Variants in RGS3 observed in about 807,000 individuals in gnomAD.
The protein encoded by RGS3 is regulator of G-protein signalling 3.
Under a neutral mutation model 132.6 loss-of-function variants are expected in RGS3, and 80 were observed. That is an observed-to-expected ratio of 0.60 (90% CI 0.50 to 0.73). The LOEUF is 0.73. RGS3 is among the 30% of genes least tolerant of loss of function. The probability of loss-of-function intolerance (pLI) is 0.00; values close to 1 mark genes in which losing one functional copy is unlikely to be tolerated. For synonymous variants in RGS3, 598 were observed against 620.6 expected (o/e 0.96, Z 0.54); for missense variants, 1,382 against 1,530.8 (o/e 0.90, Z 1.62).
chr9:113,475,835 A>C (rs1306690886), intron 3 of RGS3, among the ~76,000 whole-genome samples: 2 of 152,126 alleles, frequency 1.3e-5, no homozygotes, highest in African/African-American at 4.8e-5. Flanking sequence ...CGGTGAGCTG[A>C]AGACTCCAGG....
intron 3 of RGS3, among the ~76,000 whole-genome samples, chr9:113,475,141 GC>G (rs748275068): frequency 1.3e-5 from 2 of 152,186 alleles, no homozygotes; most frequent in Non-Finnish European, 2.9e-5. Flanking sequence ...GCCATATGGG[GC>G]CCTGTCTATT....
At position 113,536,926 on chromosome 9, in the gene RGS3, C is replaced by T. The variant is rs372010623; in HGVS notation, c.2037+8C>T. ...TCACCCCCGGACAGCAAGGTAAGGG[C>T]CTTGACAGTGGCTGTGGCCTGGCTG... is the stretch of plus-strand genomic sequence containing the variant. On this transcript the variant is annotated splice_region_variant and intron_variant, in intron 19 of 24. Coordinates refer to ENST00000350696, the Ensembl canonical transcript of RGS3. 6.4e-5 allele frequency: 103 copies of T among 1,613,194 alleles called. 2 individuals are homozygous for T. In the African/African-American group the frequency reaches 1.1e-3, roughly 18 times the overall value.
At chr9:113,594,353 C>A in intron 21 of RGS3, 77 bp from the exon 20 acceptor site, 1 of 1,596,470 alleles carries the variant, frequency 6.3e-7, no homozygotes, top group South Asian at 1.1e-5. Context: ...GTGCCCTCGA[C>A]CCAGCTCTCC....
intron 20 of RGS3, among the ~76,000 whole-genome samples, chr9:113,585,433 CCTT>C (rs1174196925): frequency 3.3e-5 from 5 of 152,214 alleles, no homozygotes; most frequent in Admixed American, 6.5e-5. Flanking sequence ...GGGCCCCACT[CCTT>C]CTCTTGAAAT....
At chr9:113,534,593 A>G (rs1832604072) in intron 18 of RGS3, among the ~76,000 whole-genome samples, 2 of 150,968 alleles carry the variant, frequency 1.3e-5, no homozygotes, top group Admixed American at 1.3e-4. Context: ...AAATCTGTAC[A>G]TATGTAGTAC....
At chr9:113,581,875 G>A in intron 19 of RGS3, 1 of 230,706 alleles carries the variant, frequency 4.3e-6, no homozygotes, top group Non-Finnish European at 7.2e-6. Context: ...GCAGGCACCT[G>A]TCTTTGGCCT....
intron 19 of RGS3, among the ~76,000 whole-genome samples, chr9:113,572,464 G>C (rs1834332969): frequency 6.6e-6 from 1 of 152,088 alleles, no homozygotes; most frequent in African/African-American, 2.4e-5. Context: ...TTGTGGCTTA[G>C]TCTCATGTCC....
chr9:113,541,203 G>A (rs1380030622), intron 19 of RGS3: 2 of 1,049,176 alleles, frequency 1.9e-6, no homozygotes, highest in East Asian at 2.5e-5. Context: ...ACTAGAGACA[G>A]CCCTGGAGAT....
At chr9:113,531,187 G>C (rs1439422996) in intron 18 of RGS3, among the ~76,000 whole-genome samples, 2 of 152,218 alleles carry the variant, frequency 1.3e-5, no homozygotes, top group Non-Finnish European at 2.9e-5. Context: ...GTGTTTCTCA[G>C]TTCCTGCAAA....
At chr9:113,456,882 C>T (rs1829373511), upstream of RGS3, among the ~76,000 whole-genome samples, 1 of 152,154 alleles carries the variant, frequency 6.6e-6, no homozygotes, top group Non-Finnish European at 1.5e-5. Context: ...CTCACTGCAA[C>T]CTCTGCCTCC....
chr9:113,534,388 C>T (rs766915599), intron 18 of RGS3, among the ~76,000 whole-genome samples: 10 of 152,102 alleles, frequency 6.6e-5, no homozygotes, highest in Non-Finnish European at 1.5e-5. Context: ...AGGATTTGTT[C>T]CAGGACCCCA....
At chr9:113,511,513 C>A (rs1193242042) in intron 14 of RGS3, among the ~76,000 whole-genome samples, 3 of 152,062 alleles carry the variant, frequency 2.0e-5, no homozygotes, top group Non-Finnish European at 4.4e-5. Flanking sequence ...TGGGTTAATC[C>A]TGCCTTGTAT....
chr9:113,559,217 A>G (rs932222815), intron 19 of RGS3, among the ~76,000 whole-genome samples: 1 of 152,232 alleles, frequency 6.6e-6, no homozygotes, highest in Non-Finnish European at 1.5e-5. Context: ...TCCCAGGAAC[A>G]TGGGCTGACA....
At chr9:113,470,526 A>C (rs1829795036) in intron 3 of RGS3, among the ~76,000 whole-genome samples, 1 of 152,202 alleles carries the variant, frequency 6.6e-6, no homozygotes, top group Admixed American at 6.5e-5. Flanking sequence ...TATTTCTAGT[A>C]GGTATAAAGT....
chr9:113,523,170 C>G (rs1832041744), intron 17 of RGS3, 129 bp downstream of exon 15: 1 of 667,628 alleles, frequency 1.5e-6, no homozygotes, highest in Non-Finnish European at 2.7e-6. Flanking sequence ...GGGCTCTGTC[C>G]ATGGGCTAGT....
chr9:113,501,559 G>A (rs568164983), intron 10 of RGS3: 15 of 1,544,356 alleles, frequency 9.7e-6, no homozygotes, highest in African/African-American at 9.5e-5. Flanking sequence ...GGCGGCAGCC[G>A]AGGCAGGACC....
chr9:113,541,673 C>G, intron 19 of RGS3: 1 of 1,124,598 alleles, frequency 8.9e-7, no homozygotes, highest in South Asian at 3.2e-5. Context: ...GACTCAGAGG[C>G]TTCTTCCTTC....
chr9:113,508,611 A>C (rs752775973), intron 14 of RGS3, 31 bp downstream of exon 12: 1 of 1,609,130 alleles, frequency 6.2e-7, no homozygotes, highest in Non-Finnish European at 8.5e-7. Context: ...GTGCCCTCCT[A>C]GCTCAGAGAG....
chr9:113,470,749 AAGCCCAGAAGTTCG>A (rs1302995402), intron 3 of RGS3, among the ~76,000 whole-genome samples: 2 of 152,160 alleles, frequency 1.3e-5, no homozygotes, highest in African/African-American at 2.4e-5. Context: ...AGGATCACTC[AAGCCCAGAAGTTCG>A]AGACCAGTGT....
Sources: allele counts gnomAD v4.1 joint callset (sites outside exome capture counted in the v4.1 genomes callset), GRCh38; gene constraint gnomAD v4.1.1; transcripts MANE v1.5; gene names NCBI Gene and HGNC (gene_info 2026-07-23, HGNC 2026-07-21).